Variants in PTPN13 observed in about 807,000 individuals in gnomAD.
The protein encoded by PTPN13 is protein tyrosine phosphatase non-receptor type 13, also known as tyrosine-protein phosphatase non-receptor type 13.
Under a neutral mutation model 284.0 loss-of-function variants are expected in PTPN13, and 191 were observed. That is an observed-to-expected ratio of 0.67 (90% CI 0.60 to 0.76). The LOEUF is 0.76. Ranked by LOEUF, PTPN13 falls within the 30% of genes least tolerant of loss-of-function variation. PTPN13 has a pLI of 0.00. For synonymous variants in PTPN13, 986 were observed against 1,022.3 expected, an observed-to-expected ratio of 0.96 and a Z score of 0.68; for missense variants, 2,797 against 2,939.9, an observed-to-expected ratio of 0.95 and a Z score of 1.12.
In PTPN13 at chr4:86,635,167, CT is replaced by C. The variant is rs1722873982; in HGVS notation, c.-5-84del. 4.3e-6 allele frequency: 6 copies of C among 1,399,144 alleles called. No individual in the cohort carries two copies. The East Asian group carries it at 1.5e-4, about 35-fold the overall frequency. 86.7% of individuals were successfully genotyped at this position (1,399,144 alleles called of 1,614,324 possible). On this transcript the variant is annotated intron_variant, in intron 1 of 47. Transcript: ENST00000411767. ...ATTAGGTAGACAGGGGGCTTATAGT[CT>C]GTCATCACTGATGTAGAGCTTTTAC...
chr4:86,630,941 G>A (rs1305057872), intron 1 of PTPN13, among the ~76,000 whole-genome samples: 5 of 152,044 alleles, frequency 3.3e-5, no homozygotes, highest in Non-Finnish European at 5.9e-5. Flanking sequence ...GCAGTTTTAA[G>A]GTCATGTCAG....
chr4:86,672,821 T>C (rs113213192), intron 3 of PTPN13, among the ~76,000 whole-genome samples: 10 of 152,208 alleles, frequency 6.6e-5, no homozygotes, highest in Admixed American at 5.9e-4. Flanking sequence ...GAGGAAGATA[T>C]AGAAATAACT....
rs1284662054 is a variant in PTPN13, at chr4:86,785,385, A to T, written c.6256+17A>T. 6.2e-7 allele frequency: 1 copy of T among 1,604,346 alleles called. No individual in the cohort carries two copies. Among genetic ancestry groups the T allele is most frequent in the Admixed American group, 1.7e-5 (1 of 58,186 alleles). On this transcript the variant is annotated intron_variant, in intron 39 of 47. Coordinates refer to ENST00000411767, the MANE Select transcript of PTPN13 (RefSeq NM_080683.3). Reference sequence around the variant, plus strand: ...GTGGTCCAGGTACGTGAACCAGATGAATAAATTGGTATACTATGGAGTACA... The same window carrying T: ...GTGGTCCAGGTACGTGAACCAGATGTATAAATTGGTATACTATGGAGTACA...
In PTPN13 at chr4:86,774,543, A is replaced by C. The variant is rs746417570; in HGVS notation, c.5508+12A>C. 6.3e-7 allele frequency: 1 copy of C among 1,583,158 alleles called. No individual in the cohort carries two copies. The highest frequency in any genetic ancestry group is 1.8e-5 in the Admixed American group (1 of 55,034). ...ACCGGCTCATAAAGGTGAGACATTT[A>C]AGAGGAATGGATTATTTGTGTAAAT... On this transcript the variant is annotated intron_variant, in intron 33 of 47. Transcript: ENST00000411767.
chr4:86,688,683 G>T (rs1250531647), intron 4 of PTPN13, among the ~76,000 whole-genome samples: 1 of 152,092 alleles, frequency 6.6e-6, no homozygotes, highest in Non-Finnish European at 1.5e-5. Context: ...GTATGTTTGT[G>T]TGTGCGTGTG....
intron 1 of PTPN13, among the ~76,000 whole-genome samples, chr4:86,621,369 A>G (rs1336722768): frequency 6.6e-6 from 1 of 152,230 alleles, no homozygotes; most frequent in Non-Finnish European, 1.5e-5. Flanking sequence ...GAATTATGGC[A>G]AAATGCTTTC....
rs759512667 is a variant in PTPN13, at chr4:86,758,349, G to T, written c.3313G>T (p.Gly1105Ter). 1.2e-6 allele frequency: 2 copies of T among 1,600,112 alleles called. No individual in the cohort carries two copies. The highest frequency in any genetic ancestry group is 1.7e-6 in the Non-Finnish European group (2 of 1,169,298). Reference protein sequence around the residue: ...NLKKDAKYGLGFQIIGGEKMG... With the variant: ...NLKKDAKYGL ...GAAAAAAGATGCAAAGTATGGCTTG[G>T]GTAAGTCACCGTGAGATTCTTGAAG... is the stretch of plus-strand genomic sequence containing the variant. The change falls in exon 21 of 48, where the codon GGA becomes TGA. Residue 1105 changes from glycine (G) to a stop codon, truncating the protein, a stop_gained and splice_region_variant. Coordinates refer to ENST00000411767, the MANE Select transcript of PTPN13 (RefSeq NM_080683.3). LOFTEE classifies it high-confidence loss of function.
chr4:86,755,021 A>G (rs559224050), intron 20 of PTPN13, among the ~76,000 whole-genome samples: 1 of 152,224 alleles, frequency 6.6e-6, no homozygotes, highest in East Asian at 1.9e-4. Flanking sequence ...TTTTGCAAAT[A>G]GTGTAACTAA....
intron 47 of PTPN13, among the ~76,000 whole-genome samples, chr4:86,813,286 G>A (rs967985259): frequency 6.6e-6 from 1 of 152,008 alleles, no homozygotes; most frequent in Non-Finnish European, 1.5e-5. Context: ...TTAATATATT[G>A]TGAGTTTTTT....
intron 1 of PTPN13, among the ~76,000 whole-genome samples, chr4:86,622,390 T>G (rs546059554): frequency 6.6e-6 from 1 of 152,336 alleles, no homozygotes; most frequent in Admixed American, 6.5e-5. Flanking sequence ...TGGTAATAAC[T>G]AAGTACATAA....
intron 6 of PTPN13, among the ~76,000 whole-genome samples, chr4:86,698,642 G>A (rs1054556716): frequency 2.6e-5 from 4 of 152,166 alleles, no homozygotes; most frequent in Non-Finnish European, 5.9e-5. Context: ...GTAAAGAGAG[G>A]AAAGATTGAG....
intron 12 of PTPN13, 74 bp downstream of exon 12, chr4:86,732,840 T>C (rs1735097022): frequency 1.5e-6 from 2 of 1,302,638 alleles, no homozygotes; most frequent in Non-Finnish European, 2.1e-6. Context: ...TTTGTTACCA[T>C]GCCTGACCTC....
intron 2 of PTPN13, among the ~76,000 whole-genome samples, chr4:86,644,231 T>G (rs1724146369): frequency 6.6e-6 from 1 of 151,970 alleles, no homozygotes; most frequent in South Asian, 2.1e-4. Flanking sequence ...GCTTCCCAGG[T>G]TCAAGCTATT....
intron 10 of PTPN13, among the ~76,000 whole-genome samples, chr4:86,726,926 T>G (rs979497306): frequency 6.7e-6 from 1 of 149,542 alleles, no homozygotes; most frequent in Non-Finnish European, 1.5e-5. Flanking sequence ...TTTTGTCCAT[T>G]TAGTATGATA....
intron 9 of PTPN13, 38 bp downstream of exon 9, chr4:86,717,155 G>T: frequency 7.4e-7 from 1 of 1,353,836 alleles, no homozygotes; most frequent in South Asian, 1.3e-5. Flanking sequence ...CATTTCCAGT[G>T]ACCAGTGTTT....
At chr4:86,697,694 C>T (rs536344540) in intron 6 of PTPN13, among the ~76,000 whole-genome samples, 1 of 152,098 alleles carries the variant, frequency 6.6e-6, no homozygotes, top group Non-Finnish European at 1.5e-5. Flanking sequence ...TCTTTTGAAA[C>T]GCACTTGGAC....
Position 86,735,655 on chromosome 4 carries a change from T to C in PTPN13, c.2213T>C (p.Leu738Pro). ...HYLPARVMEKLDLSYIKEELP... is the reference protein window; with the variant it reads ...HYLPARVMEKPDLSYIKEELP... ...TTGCCCGCCAGAGTGATGGAGAAAC[T>C]TGATTTATCCTATATCAAAGAAGAG... is the stretch of plus-strand genomic sequence containing the variant. Residue 738 changes from leucine (L) to proline (P), a missense_variant, in exon 15 of 48, where the codon CTT (leucine) becomes CCT (proline). Transcript: ENST00000411767. 6.2e-7 allele frequency: 1 copy of C among 1,613,500 alleles called. No homozygotes were observed. The highest frequency in any genetic ancestry group is 8.5e-7 in the Non-Finnish European group (1 of 1,179,548).
intron 2 of PTPN13, among the ~76,000 whole-genome samples, chr4:86,665,318 A>G (rs952504133): frequency 2.0e-5 from 3 of 152,232 alleles, no homozygotes; most frequent in Non-Finnish European, 4.4e-5. Context: ...ACCAATTTGG[A>G]GTAACATGTT....
Position 86,808,411 on chromosome 4 carries a change from A to G in PTPN13, c.7083+514A>G, listed in dbSNP as rs1318977338. Among the ~76,000 whole-genome samples, 5 of 152,354 alleles carry G rather than the reference A, an allele frequency of 3.3e-5. No homozygotes were observed. The East Asian group carries it at 7.7e-4, about 23-fold the overall frequency. ...TCTAGCTTGAATTAGATAAGTGGCAATACCTGAAGTAAAGCTGCTACTGTT... is the reference window on the plus strand; with the variant it reads ...TCTAGCTTGAATTAGATAAGTGGCAGTACCTGAAGTAAAGCTGCTACTGTT... On this transcript the variant is annotated intron_variant, in intron 45 of 47. Coordinates refer to ENST00000411767, the MANE Select transcript of PTPN13 (RefSeq NM_080683.3).
Sources: gnomAD v4.1 joint callset for allele counts (sites outside exome capture counted in the v4.1 genomes callset) on GRCh38, gnomAD v4.1.1 for gene constraint, MANE v1.5 for transcripts, NCBI Gene and HGNC (gene_info 2026-07-23, HGNC 2026-07-21) for gene names.